Variants in KLHL32 observed in about 807,000 individuals in gnomAD.
KLHL32 encodes the protein kelch like family member 32.
Under a neutral mutation model 64.8 loss-of-function variants are expected in KLHL32, and 35 were observed. That is an observed-to-expected ratio of 0.54 (90% confidence interval 0.41 to 0.72). The LOEUF (loss-of-function observed/expected upper bound fraction) is 0.72. KLHL32 is among the 30% of genes least tolerant of loss of function. The pLI is 0.00. For missense variants in KLHL32, 589 were observed against 768.5 expected (o/e 0.77, Z 2.76); for synonymous variants, 259 against 281.0 (o/e 0.92, Z 0.78).
At chr6:96,986,996 A>T (rs948138117) in intron 3 of KLHL32, among the ~76,000 whole-genome samples, 1 of 152,188 alleles carries the variant, frequency 6.6e-6, no homozygotes, top group Non-Finnish European at 1.5e-5. Flanking sequence ...AGCTGTTCCT[A>T]TGCGGCCATC....
chr6:97,022,470 ATT>A (rs145998879), intron 3 of KLHL32, among the ~76,000 whole-genome samples: 12 of 138,906 alleles, frequency 8.6e-5, no homozygotes, highest in East Asian at 4.1e-4. Context: ...ATAACACCTA[ATT>A]TTTTTTTTTT....
At chr6:96,963,301 G>A (rs1482329277) in intron 1 of KLHL32, among the ~76,000 whole-genome samples, 1 of 152,174 alleles carries the variant, frequency 6.6e-6, no homozygotes, top group African/African-American at 2.4e-5. Flanking sequence ...ACTGGGAAAA[G>A]TACTGTAAAC....
At chr6:96,921,793 G>C (rs1768762782), upstream of KLHL32, among the ~76,000 whole-genome samples, 1 of 152,080 alleles carries the variant, frequency 6.6e-6, no homozygotes, top group African/African-American at 2.4e-5. Flanking sequence ...AGAGCTGTTA[G>C]AATACAGACT....
intron 2 of KLHL32, among the ~76,000 whole-genome samples, chr6:96,974,772 A>AC (rs1775511799): frequency 1.3e-5 from 2 of 152,386 alleles, no homozygotes; most frequent in Non-Finnish European, 2.9e-5. Context: ...GCCCTGCCAA[A>AC]TAAACCCACC....
intron 1 of KLHL32, among the ~76,000 whole-genome samples, chr6:96,951,794 A>C (rs1042763910): frequency 2.0e-5 from 3 of 152,204 alleles, no homozygotes; most frequent in Non-Finnish European, 4.4e-5. Context: ...AGAGTCAAAT[A>C]ATCCACAAGG....
At chr6:97,105,309 A>G (rs911352248) in intron 6 of KLHL32, 6 of 390,482 alleles carry the variant, frequency 1.5e-5, no homozygotes, top group African/African-American at 1.3e-4. Flanking sequence ...CCATTCTATT[A>G]AAACACGCTT....
intron 3 of KLHL32, among the ~76,000 whole-genome samples, chr6:97,020,260 A>G (rs1173550466): frequency 1.3e-5 from 2 of 150,778 alleles, no homozygotes; most frequent in East Asian, 1.9e-4. Context: ...TTTTAAAAAT[A>G]CAAATTATTT....
At chr6:96,974,744 C>T (rs1211333338) in intron 2 of KLHL32, among the ~76,000 whole-genome samples, 1 of 152,236 alleles carries the variant, frequency 6.6e-6, no homozygotes, top group Non-Finnish European at 1.5e-5. Context: ...AGCCAACTGG[C>T]ACCACAGGCT....
intron 4 of KLHL32, among the ~76,000 whole-genome samples, chr6:97,062,118 T>C (rs943935495): frequency 6.6e-6 from 1 of 152,244 alleles, no homozygotes; most frequent in Admixed American, 6.5e-5. Flanking sequence ...CGTATGGGTT[T>C]TTCATGTGCA....
chr6:97,016,448 A>G (rs978065094), intron 3 of KLHL32, among the ~76,000 whole-genome samples: 1 of 152,240 alleles, frequency 6.6e-6, no homozygotes, highest in Non-Finnish European at 1.5e-5. Context: ...TCAGACTTGC[A>G]TGGAACTGTA....
intron 3 of KLHL32, among the ~76,000 whole-genome samples, chr6:97,033,016 T>C (rs907814664): frequency 2.0e-5 from 3 of 152,040 alleles, no homozygotes; most frequent in South Asian, 2.1e-4. Context: ...TCAATCCTTT[T>C]AGCCAGGGAA....
upstream of KLHL32, among the ~76,000 whole-genome samples, chr6:96,921,035 C>T (rs1361984529): frequency 1.3e-5 from 2 of 152,178 alleles, no homozygotes; most frequent in Admixed American, 6.5e-5. Flanking sequence ...CCCATATTCT[C>T]TGTAGCACTA....
intron 1 of KLHL32, among the ~76,000 whole-genome samples, chr6:96,951,267 A>G (rs1772548979): frequency 6.6e-6 from 1 of 152,150 alleles, no homozygotes. Flanking sequence ...AGCTGTTTGC[A>G]TGAGAGGAGA....
rs1357631753 is a variant in KLHL32, at chr6:97,041,618, T to C, written c.312+19T>C. On this transcript the variant is annotated intron_variant, in intron 4 of 10. Coordinates refer to ENST00000369261, the MANE Select transcript of KLHL32 (RefSeq NM_052904.4). ...AGGACAGGTATGGTATTAAATGTGA[T>C]CTGTAAAGTTTAACATTTCAACTAC... 1.4e-6 allele frequency: 2 copies of C among 1,439,996 alleles called. No homozygotes were observed. The highest frequency in any genetic ancestry group is 9.8e-7 in the Non-Finnish European group (1 of 1,021,692). The allele number at this position is 1,439,996 out of a possible 1,614,324, so 89.2% of individuals were successfully genotyped here. A position where few individuals can be genotyped will look rare whatever the true frequency, so the allele number is the denominator to read the frequency against.
chr6:97,131,837 G>C (rs1799475004), intron 9 of KLHL32, among the ~76,000 whole-genome samples: 1 of 152,138 alleles, frequency 6.6e-6, no homozygotes, highest in Admixed American at 6.5e-5. Context: ...CACTGGACAA[G>C]GACTTAGAAA....
chr6:96,969,553 G>A (rs754472091), intron 2 of KLHL32, among the ~76,000 whole-genome samples: 3 of 152,108 alleles, frequency 2.0e-5, no homozygotes, highest in Non-Finnish European at 2.9e-5. Context: ...GTTGTCTAGT[G>A]GAGACTAGTT....
At chr6:97,041,420 C>G (rs1253584289) in intron 3 of KLHL32, 72 bp from the exon 4 acceptor site, 1 of 929,156 alleles carries the variant, frequency 1.1e-6, no homozygotes, top group Non-Finnish European at 1.7e-6. Flanking sequence ...TTCCCCTAGT[C>G]TCTCTAGAAT....
At chr6:96,956,021 TG>T (rs1430039322) in intron 1 of KLHL32, among the ~76,000 whole-genome samples, 1 of 152,182 alleles carries the variant, frequency 6.6e-6, no homozygotes, top group African/African-American at 2.4e-5. Flanking sequence ...TTCCATGTCA[TG>T]TGGCTGGTGA....
chr6:96,925,555 A>T (rs537044047), intron 1 of KLHL32, among the ~76,000 whole-genome samples: 2 of 152,220 alleles, frequency 1.3e-5, no homozygotes, highest in Non-Finnish European at 2.9e-5. Context: ...ATAAAGAAAG[A>T]TGACTGCAGT....
Sources: allele counts gnomAD v4.1 joint callset (sites outside exome capture counted in the v4.1 genomes callset), GRCh38; gene constraint gnomAD v4.1.1; transcripts MANE v1.5; gene names NCBI Gene and HGNC (gene_info 2026-07-23, HGNC 2026-07-21).